Variants in AR observed in about 807,000 individuals in gnomAD.
The protein encoded by AR is dihydrotestosterone receptor.
Under a neutral mutation model 53.9 loss-of-function variants are expected in AR, and 8 were observed. The observed-to-expected ratio is 0.15, with a 90% CI of 0.09 to 0.27. The LOEUF (loss-of-function observed/expected upper bound fraction) is 0.27. Ranked by LOEUF, AR falls within the 10% of genes least tolerant of loss-of-function variation. The probability of loss-of-function intolerance (pLI) is 1.00; values close to 1 mark genes in which losing one functional copy is unlikely to be tolerated. For missense variants in AR, 639 were observed against 742.5 expected (o/e 0.86, Z 1.62); for synonymous variants, 359 against 316.4 (o/e 1.13, Z -1.43).
At chrX:67,580,676 T>A (rs1035376323) in intron 1 of AR, among the ~76,000 whole-genome samples, 6 of 111,745 alleles carry the variant, frequency 5.4e-5, no homozygotes, top group Non-Finnish European at 7.5e-5. Context: ...CTCTGGTTTT[T>A]TCTTCTTTTT....
Position 67,624,393 on chromosome X carries a change from T to G in AR, c.1617-18863T>G, listed in dbSNP as rs764297077. Reference sequence around the variant, plus strand: ...AAAACTGGATTAGTAATTAAGAAACTTCCCACAAAGAAAAGCCCAGGTTCA... The same window carrying G: ...AAAACTGGATTAGTAATTAAGAAACGTCCCACAAAGAAAAGCCCAGGTTCA... On this transcript the variant is annotated intron_variant, in intron 1 of 7. Transcript: ENST00000374690. Among the ~76,000 whole-genome samples, 3 of 111,697 alleles carry G rather than the reference T, an allele frequency of 2.7e-5. No homozygotes were observed. The South Asian group carries it at 1.1e-3, about 42-fold the overall frequency.
chrX:67,600,855 A>T (rs1244136861), intron 1 of AR, among the ~76,000 whole-genome samples: 3 of 111,404 alleles, frequency 2.7e-5, no homozygotes, highest in Non-Finnish European at 3.8e-5. Context: ...ATTAAAAAAA[A>T]CTGTGCATTA....
Position 67,561,431 on chromosome X carries a change from T to TA in AR, c.1616+14676dup, listed in dbSNP as rs1281676260. 2.7e-5 allele frequency among the ~76,000 whole-genome samples: 3 copies of TA among 111,858 alleles called. No individual in the cohort carries two copies. The East Asian group carries it at 8.4e-4, about 31-fold the overall frequency. On this transcript the variant is annotated intron_variant, in intron 1 of 7. Coordinates refer to ENST00000374690, the MANE Select transcript of AR (RefSeq NM_000044.6). ...CACAGTAAAAATAACAATTCGACAG[T>TA]AAAAAAATACAAATAAAATTATGTA...
chrX:67,703,935 G>A (rs1175220179), intron 3 of AR, among the ~76,000 whole-genome samples: 5 of 111,174 alleles, frequency 4.5e-5, no homozygotes, highest in Admixed American at 3.8e-4. Context: ...TGAGAATGAT[G>A]GTTTCCAGCT....
In AR at chrX:67,726,937, C is replaced by T. The variant is rs778176435; in HGVS notation, c.*3096C>T. The T allele has an allele frequency of 6.4e-5, 11 of 173,208 alleles. No individual in the cohort carries two copies. Among genetic ancestry groups the T allele is most frequent in the Non-Finnish European group, 8.8e-5 (8 of 90,633 alleles). The allele number at this position is 173,208 out of a possible 1,213,427, so 14.3% of individuals were successfully genotyped here. On this transcript the variant is annotated 3_prime_UTR_variant, in exon 8 of 8. Transcript: ENST00000374690. ...CTGGAAAAGTCACAAGGACCATCTCCAAACAAGTTGGCAGTGCTCGATGTG... is the reference window on the plus strand; with the variant it reads ...CTGGAAAAGTCACAAGGACCATCTCTAAACAAGTTGGCAGTGCTCGATGTG...
chrX:67,602,785 A>T (rs1188971133), intron 1 of AR, among the ~76,000 whole-genome samples: 3 of 111,606 alleles, frequency 2.7e-5, no homozygotes, highest in Non-Finnish European at 5.7e-5. Flanking sequence ...TGAGCAGAGA[A>T]TCCAGTTGAC....
chrX:67,704,168 G>A (rs1040495099), intron 3 of AR, among the ~76,000 whole-genome samples: 8 of 111,655 alleles, frequency 7.2e-5, no homozygotes, highest in Non-Finnish European at 1.1e-4. Flanking sequence ...CCCAATAATG[G>A]GATGGCTGGG....
chrX:67,581,124 G>A (rs1044600527), intron 1 of AR, among the ~76,000 whole-genome samples: 3 of 111,162 alleles, frequency 2.7e-5, no homozygotes, highest in African/African-American at 3.3e-5. Context: ...TGATTCTTAC[G>A]TATAGCCAGT....
intron 1 of AR, among the ~76,000 whole-genome samples, chrX:67,569,175 T>G (rs752314555): frequency 7.9e-4 from 56 of 70,893 alleles, no homozygotes; most frequent in African/African-American, 3.1e-3. Context: ...TTGACTAATT[T>G]GGGGCAGAAT....
At chrX:67,714,990 C>T (rs1283429853) in intron 4 of AR, among the ~76,000 whole-genome samples, 1 of 111,491 alleles carries the variant, frequency 9.0e-6, no homozygotes, top group Non-Finnish European at 1.9e-5. Context: ...TTAAGCTTTC[C>T]CTTTTCTCTC....
At chrX:67,716,672 AGAGAG>A (rs1279809424) in intron 4 of AR, among the ~76,000 whole-genome samples, 1 of 111,633 alleles carries the variant, frequency 9.0e-6, no homozygotes, top group Non-Finnish European at 1.9e-5. Context: ...GATGGACGCA[AGAGAG>A]GGAACATGAA....
intron 4 of AR, among the ~76,000 whole-genome samples, chrX:67,714,336 C>T (rs1447728025): frequency 8.9e-6 from 1 of 111,749 alleles, no homozygotes; most frequent in Non-Finnish European, 1.9e-5. Flanking sequence ...AGTAACGTAG[C>T]CTGAAACATA....
chrX:67,649,838 C>T (rs749335723), intron 2 of AR, among the ~76,000 whole-genome samples: 1 of 112,168 alleles, frequency 8.9e-6, no homozygotes, highest in African/African-American at 3.2e-5. Flanking sequence ...GTTGTTCACT[C>T]TGATGATAGT....
chrX:67,695,991 G>C, intron 3 of AR: 1 of 753,054 alleles, frequency 1.3e-6, no homozygotes, highest in Non-Finnish European at 1.6e-6. Context: ...GGCTAATGAG[G>C]TTTATTTTTA....
intron 2 of AR, among the ~76,000 whole-genome samples, chrX:67,665,269 T>A (rs1259540300): frequency 8.9e-6 from 1 of 112,564 alleles, no homozygotes; most frequent in East Asian, 2.8e-4. Context: ...AATCTTACTT[T>A]GGTTTCTAGT....
rs771791898 is a variant in AR at position 67,546,686 on chromosome X, T to C, written c.1540T>C (p.Tyr514His). 1.7e-5 allele frequency: 20 copies of C among 1,206,474 alleles called. No individual in the cohort carries two copies. In the East Asian group the frequency reaches 5.9e-4, roughly 36 times the overall value. ...YPGGMVSRVP[Y>H]PSPTCVKSEM... The stretch of plus-strand genomic sequence containing the variant: ...TGGCGGCATGGTGAGCAGAGTGCCC[T>C]ATCCCAGTCCCACTTGTGTCAAAAG... The change falls in exon 1 of 8, where the codon TAT becomes CAT. Residue 514 changes from tyrosine (Y) to histidine (H), a missense_variant. Transcript: ENST00000374690.
intron 5 of AR, 85 bp downstream of exon 5, chrX:67,717,707 G>A (rs914130607): frequency 1.8e-6 from 2 of 1,140,668 alleles, no homozygotes; most frequent in Non-Finnish European, 2.4e-6. Context: ...GGGTGACAGT[G>A]AAGCTTAGCT....
chrX:67,646,248 A>G (rs1779881068), intron 2 of AR, among the ~76,000 whole-genome samples: 2 of 111,367 alleles, frequency 1.8e-5, no homozygotes, highest in African/African-American at 3.3e-5. Context: ...GTCAGTTGTA[A>G]TCTGGACAGG....
chrX:67,632,240 C>T (rs1448994538), intron 1 of AR, among the ~76,000 whole-genome samples: 5 of 113,433 alleles, frequency 4.4e-5, no homozygotes, highest in African/African-American at 6.4e-5. Flanking sequence ...CCCCCAGCCT[C>T]GCTGCCACCT....
Sources: gnomAD v4.1 joint callset for allele counts (sites outside exome capture counted in the v4.1 genomes callset) on GRCh38, gnomAD v4.1.1 for gene constraint, MANE v1.5 for transcripts, NCBI Gene and HGNC (gene_info 2026-07-23, HGNC 2026-07-21) for gene names.